The following CSMD1 variants were observed in gnomAD, a reference collection of about 807,000 sequenced individuals.
CSMD1 encodes CUB and sushi domain-containing protein 1.
Under a neutral mutation model 417.5 loss-of-function variants are expected in CSMD1, and 213 were observed. The ratio of observed to expected loss-of-function variants is 0.51; its 90% CI spans 0.46 to 0.57. The LOEUF is 0.57. Ranked by LOEUF, CSMD1 falls within the 20% of genes least tolerant of loss-of-function variation. CSMD1 has a pLI of 0.00. For missense variants in CSMD1, 6,923 were observed against 4,529.7 expected, an observed-to-expected ratio of 1.53 and a Z score of -15.17; for synonymous variants, 2,862 against 1,736.8, an observed-to-expected ratio of 1.65 and a Z score of -16.11.
intron 5 of CSMD1, among the ~76,000 whole-genome samples, chr8:3,910,809 G>T (rs1808409405): frequency 6.6e-6 from 1 of 152,108 alleles, no homozygotes; most frequent in African/African-American, 2.4e-5. Context: ...ACTTGTTATT[G>T]GAGAGTGCAT....
intron 5 of CSMD1, among the ~76,000 whole-genome samples, chr8:3,803,429 A>C (rs181420131): frequency 2.0e-5 from 3 of 152,300 alleles, no homozygotes; most frequent in African/African-American, 7.2e-5. Context: ...CTTGTGGTCA[A>C]GGAGATTACT....
chr8:4,221,366 C>G lies in CSMD1; in HGVS notation c.416-189267G>C, dbSNP rs1801019979. Among the ~76,000 whole-genome samples the G allele has an allele frequency of 3.9e-5, 5 of 127,644 alleles. No homozygotes were observed. The South Asian group carries it at 1.5e-3, about 39-fold the overall frequency. 83.7% of individuals were successfully genotyped at this position (127,644 alleles called of 152,430 possible). The stretch of plus-strand genomic sequence containing the variant: ...AAAGGCACAAAGAAGCCCATCTCTA[C>G]AAGGAAAGTGAGAAAAAAAAAAAAA... On this transcript the variant is annotated intron_variant, in intron 3 of 69. Transcript: ENST00000635120.
At chr8:3,005,971 G>A (rs1368214510) in intron 52 of CSMD1, among the ~76,000 whole-genome samples, 1 of 152,132 alleles carries the variant, frequency 6.6e-6, no homozygotes, top group Non-Finnish European at 1.5e-5. Context: ...AGGAAAAGAG[G>A]AAGTCAAATT....
intron 11 of CSMD1, among the ~76,000 whole-genome samples, chr8:3,487,899 A>G (rs1818149505): frequency 6.6e-6 from 1 of 152,040 alleles, no homozygotes; most frequent in African/African-American, 2.4e-5. Context: ...TCCCATCAAC[A>G]TTTTGATATT....
intron 1 of CSMD1, among the ~76,000 whole-genome samples, chr8:4,695,275 C>G (rs906057436): frequency 2.0e-5 from 3 of 152,230 alleles, no homozygotes; most frequent in Admixed American, 6.5e-5. Context: ...ACCTCTCTCT[C>G]TGACCCTGTA....
intron 12 of CSMD1, among the ~76,000 whole-genome samples, chr8:3,440,658 G>T (rs1472411384): frequency 6.6e-6 from 1 of 152,128 alleles, no homozygotes; most frequent in South Asian, 2.1e-4. Context: ...TTGCAATTTT[G>T]AATGGACTTG....
intron 5 of CSMD1, among the ~76,000 whole-genome samples, chr8:3,754,399 T>A (rs919885750): frequency 2.0e-5 from 3 of 151,944 alleles, no homozygotes; most frequent in Non-Finnish European, 4.4e-5. Flanking sequence ...AATGATAAAA[T>A]TCTGTGTTTC....
Position 4,040,587 on chromosome 8 carries a change from T to C in CSMD1, c.416-8488A>G, listed in dbSNP as rs192292113. ...TGTTCACAATGGAGGTTAGTTATAATAACATGCATATATGGATTGGGGAGA... is the reference window on the plus strand; with the variant it reads ...TGTTCACAATGGAGGTTAGTTATAACAACATGCATATATGGATTGGGGAGA... On this transcript the variant is annotated intron_variant, in intron 3 of 69. Coordinates refer to ENST00000635120, the MANE Select transcript of CSMD1 (RefSeq NM_033225.6). 7.4e-3 allele frequency among the ~76,000 whole-genome samples: 1,129 copies of C among 152,338 alleles called. 8 individuals carry two copies. Among genetic ancestry groups the C allele is most frequent in the Middle Eastern group, 0.014 (4 of 294 alleles).
At chr8:3,892,054 A>T (rs1326659131) in intron 5 of CSMD1, among the ~76,000 whole-genome samples, 1 of 152,120 alleles carries the variant, frequency 6.6e-6, no homozygotes, top group Non-Finnish European at 1.5e-5. Context: ...GGAAAGTCAC[A>T]TTTGGGTAAG....
At chr8:3,093,366 G>A (rs1156681224) in intron 47 of CSMD1, among the ~76,000 whole-genome samples, 1 of 152,088 alleles carries the variant, frequency 6.6e-6, no homozygotes, top group East Asian at 1.9e-4. Flanking sequence ...AGAATTGTGA[G>A]AACATAAATT....
chr8:3,838,027 T>C (rs977929864), intron 5 of CSMD1, among the ~76,000 whole-genome samples: 2 of 152,152 alleles, frequency 1.3e-5, no homozygotes, highest in Non-Finnish European at 2.9e-5. Context: ...TTATCATAAA[T>C]AAATATGTAT....
rs372188356 is a variant in CSMD1, at chr8:3,796,292, A to ATAGATATC, written c.819-42251_819-42250insGATATCTA. Among the ~76,000 whole-genome samples the ATAGATATC allele has an allele frequency of 4.2e-3, 52 of 12,390 alleles. 9 individuals are homozygous for ATAGATATC. Among genetic ancestry groups the ATAGATATC allele is most frequent in the African/African-American group, 0.011 (42 of 3,814 alleles). The allele number at this position is 12,390 out of a possible 152,430, so 8.1% of individuals were successfully genotyped here. ...AGATATATATCTATCATGTATAGATATATCTATCATGTATAGATATAGATA... is the reference window on the plus strand; with the variant it reads ...AGATATATATCTATCATGTATAGATATAGATATCTATCTATCATGTATAGATATAGATA... On this transcript the variant is annotated intron_variant, in intron 5 of 69. Transcript: ENST00000635120.
At chr8:4,480,439 C>G (rs1046418541) in intron 2 of CSMD1, among the ~76,000 whole-genome samples, 4 of 152,134 alleles carry the variant, frequency 2.6e-5, no homozygotes, top group Admixed American at 1.3e-4. Context: ...GAGTCTATTG[C>G]GAGCATAACC....
At chr8:3,300,777 G>A (rs943512588) in intron 25 of CSMD1, among the ~76,000 whole-genome samples, 10 of 151,336 alleles carry the variant, frequency 6.6e-5, no homozygotes, top group Admixed American at 4.6e-4. Flanking sequence ...GCAACAGGGC[G>A]AAACCCCGTG....
At chr8:3,052,378 G>T (rs1376437035) in intron 50 of CSMD1, 84 bp downstream of exon 50, 3 of 1,028,268 alleles carry the variant, frequency 2.9e-6, no homozygotes, top group East Asian at 2.7e-5. Context: ...GAGGACCTCT[G>T]AACGTGGGAA....
chr8:3,001,721 A>C (rs1051825202), intron 52 of CSMD1, among the ~76,000 whole-genome samples: 1 of 152,174 alleles, frequency 6.6e-6, no homozygotes. Flanking sequence ...TCGTAGGAAA[A>C]CAGCTACAGA....
chr8:3,701,173 A>T (rs989385758), intron 7 of CSMD1, among the ~76,000 whole-genome samples: 9 of 152,100 alleles, frequency 5.9e-5, no homozygotes, highest in African/African-American at 2.2e-4. Flanking sequence ...CTCCCAAGTA[A>T]GCCCGTGGAT....
Position 3,854,631 on chromosome 8 carries a change from G to C in CSMD1, c.819-100589C>G, listed in dbSNP as rs1013239970. ...CTAAATCTGGTAGCTCCATTGTCAG[G>C]CCTTATGATATAGAATCTGGACAAT... is the stretch of plus-strand genomic sequence containing the variant. On this transcript the variant is annotated intron_variant, in intron 5 of 69. Transcript: ENST00000635120. Among the ~76,000 whole-genome samples the C allele has an allele frequency of 3.3e-5, 5 of 151,942 alleles. No homozygotes were observed. The East Asian group carries it at 9.6e-4, about 29-fold the overall frequency.
chr8:3,695,470 C>G (rs567217374), intron 7 of CSMD1, among the ~76,000 whole-genome samples: 1 of 152,010 alleles, frequency 6.6e-6, no homozygotes, highest in Admixed American at 6.6e-5. Context: ...ATGAGAAATA[C>G]AAATCTGGCT....
Sources: gnomAD v4.1 joint callset for allele counts (sites outside exome capture counted in the v4.1 genomes callset) on GRCh38, gnomAD v4.1.1 for gene constraint, MANE v1.5 for transcripts, NCBI Gene and HGNC (gene_info 2026-07-23, HGNC 2026-07-21) for gene names.